Variants in UBE2E2 observed in about 807,000 individuals in gnomAD.
The protein encoded by UBE2E2 is ubiquitin-conjugating enzyme E2 E2.
UBE2E2 carries 6 observed loss-of-function variants against 24.7 expected under a neutral mutation model. The ratio of observed to expected loss-of-function variants is 0.24; its 90% CI spans 0.13 to 0.48. UBE2E2 has a LOEUF of 0.48. Among genes scored for constraint, UBE2E2 ranks in the 20% least tolerant of loss-of-function variants. The pLI is 0.99. For synonymous variants in UBE2E2, 104 were observed against 83.6 expected (o/e 1.24, Z -1.33); for missense variants, 169 against 245.0 (o/e 0.69, Z 2.07).
intron 3 of UBE2E2, among the ~76,000 whole-genome samples, chr3:23,374,674 A>C (rs1399331286): frequency 6.6e-6 from 1 of 152,206 alleles, no homozygotes; most frequent in Admixed American, 6.5e-5. Flanking sequence ...CCTACTGAAA[A>C]CACCAGCCTG....
At chr3:23,225,075 G>A (rs1696781566) in intron 3 of UBE2E2, among the ~76,000 whole-genome samples, 1 of 151,310 alleles carries the variant, frequency 6.6e-6, no homozygotes, top group African/African-American at 2.4e-5. Flanking sequence ...TGTGCTTATT[G>A]TCCATTTGTT....
At chr3:23,375,793 A>G (rs537377900) in intron 3 of UBE2E2, among the ~76,000 whole-genome samples, 1 of 152,296 alleles carries the variant, frequency 6.6e-6, no homozygotes, top group African/African-American at 2.4e-5. Flanking sequence ...TTAAACCCTT[A>G]ACAAGTGCAG....
At chr3:23,247,370 T>A (rs1697440527) in intron 3 of UBE2E2, among the ~76,000 whole-genome samples, 1 of 151,760 alleles carries the variant, frequency 6.6e-6, no homozygotes, top group Non-Finnish European at 1.5e-5. Flanking sequence ...TTTTTTTTTT[T>A]TTTGAGACGG....
intron 4 of UBE2E2, among the ~76,000 whole-genome samples, chr3:23,525,769 A>T (rs1303254164): frequency 6.6e-6 from 1 of 152,214 alleles, no homozygotes; most frequent in Non-Finnish European, 1.5e-5. Context: ...AAGGATGTAT[A>T]GCTGCCCAGC....
chr3:23,412,394 T>G (rs770463861), intron 3 of UBE2E2, among the ~76,000 whole-genome samples: 7 of 152,048 alleles, frequency 4.6e-5, no homozygotes, highest in African/African-American at 7.2e-5. Context: ...CAAGACTAAA[T>G]TGGTTTCAGA....
intron 3 of UBE2E2, among the ~76,000 whole-genome samples, chr3:23,358,674 A>T (rs1055483654): frequency 1.2e-4 from 19 of 152,314 alleles, no homozygotes; most frequent in Middle Eastern, 3.4e-3. Flanking sequence ...TTTTGCTTCT[A>T]CCTCTTTTAT....
chr3:23,390,770 G>A (rs755897666), intron 3 of UBE2E2, among the ~76,000 whole-genome samples: 32 of 152,198 alleles, frequency 2.1e-4, no homozygotes, highest in Non-Finnish European at 4.3e-4. Context: ...GGCCAGGTAA[G>A]CGAGCCATAC....
chr3:23,216,394 A>G (rs1037219480), intron 2 of UBE2E2, among the ~76,000 whole-genome samples: 1 of 152,146 alleles, frequency 6.6e-6, no homozygotes, highest in African/African-American at 2.4e-5. Context: ...TTAATCAGTT[A>G]TTATTGATAT....
chr3:23,325,368 G>A (rs1313973075), intron 3 of UBE2E2, among the ~76,000 whole-genome samples: 1 of 152,128 alleles, frequency 6.6e-6, no homozygotes, highest in Non-Finnish European at 1.5e-5. Flanking sequence ...GGCTGGGCTG[G>A]AGGAGAAATA....
At chr3:23,214,174 G>T (rs1445880828) in intron 2 of UBE2E2, among the ~76,000 whole-genome samples, 3 of 152,100 alleles carry the variant, frequency 2.0e-5, no homozygotes, top group Non-Finnish European at 2.9e-5. Context: ...ATTGCTTTTT[G>T]TATTGAATAA....
intron 3 of UBE2E2, among the ~76,000 whole-genome samples, chr3:23,413,224 A>G (rs949034974): frequency 4.0e-5 from 6 of 151,356 alleles, no homozygotes; most frequent in East Asian, 1.9e-4. Context: ...AAAATCTGAG[A>G]AAAAAAAGTT....
At chr3:23,575,621 G>GA (rs1017049126) in intron 5 of UBE2E2, among the ~76,000 whole-genome samples, 8 of 151,102 alleles carry the variant, frequency 5.3e-5, no homozygotes, top group Non-Finnish European at 1.0e-4. Flanking sequence ...TGTTAGTTTG[G>GA]AAAAAAAACA....
At chr3:23,223,355 G>A (rs558039948) in intron 3 of UBE2E2, among the ~76,000 whole-genome samples, 1 of 152,088 alleles carries the variant, frequency 6.6e-6, no homozygotes, top group African/African-American at 2.4e-5. Flanking sequence ...ACCACACTTG[G>A]CTAATTTTTG....
At chr3:23,522,231 C>A (rs1192295178) in intron 4 of UBE2E2, among the ~76,000 whole-genome samples, 1 of 149,940 alleles carries the variant, frequency 6.7e-6, no homozygotes, top group African/African-American at 2.5e-5. Context: ...CCCGGGTTCG[C>A]GCCGTTCTCC....
intron 3 of UBE2E2, among the ~76,000 whole-genome samples, chr3:23,277,739 C>T (rs1263130677): frequency 6.6e-6 from 1 of 151,998 alleles, no homozygotes; most frequent in Non-Finnish European, 1.5e-5. Context: ...TATGTGAAGG[C>T]TGTTCTGGGC....
chr3:23,504,291 G>A (rs1694378285), intron 4 of UBE2E2, among the ~76,000 whole-genome samples: 1 of 152,146 alleles, frequency 6.6e-6, no homozygotes, highest in African/African-American at 2.4e-5. Flanking sequence ...TAGAAAGGGT[G>A]CCTAGTATTC....
At chr3:23,223,024 C>CT (rs1559445348) in intron 3 of UBE2E2, among the ~76,000 whole-genome samples, 10 of 101,768 alleles carry the variant, frequency 9.8e-5, no homozygotes, top group Non-Finnish European at 7.8e-5. Context: ...GCCCCCCCCC[C>CT]CTTTTTTTTT....
At chr3:23,585,817 G>A (rs1696612350) in intron 5 of UBE2E2, among the ~76,000 whole-genome samples, 1 of 151,370 alleles carries the variant, frequency 6.6e-6, no homozygotes. Flanking sequence ...AGAGAAATAG[G>A]GTACAGTAAT....
At chr3:23,548,344 T>G (rs1001552610) in intron 5 of UBE2E2, among the ~76,000 whole-genome samples, 2 of 152,210 alleles carry the variant, frequency 1.3e-5, no homozygotes, top group Admixed American at 6.5e-5. Context: ...GCATTTTGCT[T>G]TACTTTCTGG....
Sources: gnomAD v4.1 joint callset for allele counts (sites outside exome capture counted in the v4.1 genomes callset) on GRCh38, gnomAD v4.1.1 for gene constraint, MANE v1.5 for transcripts, NCBI Gene and HGNC (gene_info 2026-07-23, HGNC 2026-07-21) for gene names.